Variants in CTNNA2 observed in about 807,000 individuals in gnomAD.
CTNNA2 encodes the protein catenin alpha-2.
In CTNNA2, 42 loss-of-function variants were observed where a neutral mutation model predicts 101.0. That is an observed-to-expected ratio of 0.42 (90% confidence interval 0.32 to 0.54). The LOEUF is 0.54. CTNNA2 is among the 20% of genes least tolerant of loss of function. The pLI is 0.14. For synonymous variants in CTNNA2, 450 were observed against 456.4 expected (o/e 0.99, Z 0.18); for missense variants, 871 against 1,223.1 (o/e 0.71, Z 4.29).
Position 80,162,511 on chromosome 2 carries a change from G to T in CTNNA2, c.1057-230700G>T. ...TGTCTCTTCTGTTATCATAGTCATG[G>T]CTCCAGCCATCATGATTCCTATCTT... is the stretch of plus-strand genomic sequence containing the variant. On this transcript the variant is annotated intron_variant, in intron 7 of 18. Transcript: ENST00000402739. The T allele has an allele frequency of 2.5e-6, 4 of 1,602,668 alleles. No homozygotes were observed. The Middle Eastern group carries it at 5.0e-4, about 199-fold the overall frequency.
chr2:80,086,819 G>A (rs1015933995), intron 7 of CTNNA2, among the ~76,000 whole-genome samples: 1 of 152,004 alleles, frequency 6.6e-6, no homozygotes, highest in South Asian at 2.1e-4. Flanking sequence ...TACAAAGATA[G>A]GAAGCATTAT....
intron 1 of CTNNA2, among the ~76,000 whole-genome samples, chr2:79,590,319 G>T (rs1362946546): frequency 1.3e-5 from 2 of 152,210 alleles, no homozygotes; most frequent in Non-Finnish European, 1.5e-5. Context: ...TTCAGGGAAT[G>T]AAACAATTGT....
chr2:80,110,289 A>T (rs1006437704), intron 7 of CTNNA2, among the ~76,000 whole-genome samples: 2 of 152,172 alleles, frequency 1.3e-5, no homozygotes, highest in Admixed American at 6.5e-5. Context: ...GCTGGGCAAT[A>T]TGTTACCTCC....
At chr2:79,513,284 C>A (rs1671625627) in intron 1 of CTNNA2, 77 bp downstream of exon 1, 1 of 142,574 alleles carries the variant, frequency 7.0e-6, no homozygotes, top group South Asian at 2.4e-4. Flanking sequence ...TCTCCATCCT[C>A]CCCCCTCCCC....
chr2:80,266,772 G>A (rs192499920), intron 7 of CTNNA2, among the ~76,000 whole-genome samples: 94 of 152,246 alleles, frequency 6.2e-4, no homozygotes, highest in African/African-American at 1.8e-3. Flanking sequence ...GGAATGAGCC[G>A]CTTATGCAGA....
chr2:80,153,083 C>G (rs745823564), intron 7 of CTNNA2, among the ~76,000 whole-genome samples: 2 of 152,162 alleles, frequency 1.3e-5, no homozygotes, highest in Non-Finnish European at 2.9e-5. Context: ...ATTTGCAGCA[C>G]CATCCGGTGC....
intron 7 of CTNNA2, among the ~76,000 whole-genome samples, chr2:79,919,438 G>T (rs1686499640): frequency 6.6e-6 from 1 of 152,162 alleles, no homozygotes; most frequent in South Asian, 2.1e-4. Context: ...TTGAAAGGTG[G>T]TTCGGTCAAT....
intron 7 of CTNNA2, among the ~76,000 whole-genome samples, chr2:80,042,114 G>A (rs924728481): frequency 3.4e-4 from 51 of 152,030 alleles, no homozygotes; most frequent in African/African-American, 1.1e-3. Flanking sequence ...ATAGGCTTGC[G>A]CCACCATGCC....
intron 12 of CTNNA2, among the ~76,000 whole-genome samples, chr2:80,559,878 T>TTATATATATATATTTATA (rs1471163982): frequency 8.8e-6 from 1 of 113,930 alleles, no homozygotes; most frequent in African/African-American, 3.0e-5. Flanking sequence ...GATATCATAT[T>TTATATATATATATTTATA]TATATATATA....
At chr2:80,006,545 C>T (rs1338895583) in intron 7 of CTNNA2, among the ~76,000 whole-genome samples, 4 of 151,990 alleles carry the variant, frequency 2.6e-5, no homozygotes, top group African/African-American at 9.7e-5. Context: ...GTCTCGAACT[C>T]CTGACCTCAG....
At chr2:80,216,906 C>T (rs559307880) in intron 7 of CTNNA2, among the ~76,000 whole-genome samples, 10 of 150,332 alleles carry the variant, frequency 6.7e-5, no homozygotes, top group Non-Finnish European at 1.0e-4. Flanking sequence ...ACCACAACCT[C>T]GGCTTACTGC....
chr2:79,563,189 T>TATATATATA (rs879673133), intron 1 of CTNNA2, among the ~76,000 whole-genome samples: 664 of 40,238 alleles, frequency 0.017, 17 homozygotes, highest in South Asian at 0.15. Flanking sequence ...ATATATATAT[T>TATATATATA]TTCCTTCATT....
At chr2:80,265,000 A>G (rs1672897713) in intron 7 of CTNNA2, among the ~76,000 whole-genome samples, 2 of 142,872 alleles carry the variant, frequency 1.4e-5, no homozygotes, top group South Asian at 2.2e-4. Flanking sequence ...TTTGAGGTGG[A>G]GTCTTGCTCT....
intron 7 of CTNNA2, among the ~76,000 whole-genome samples, chr2:79,934,315 C>G (rs1687641403): frequency 6.6e-6 from 1 of 152,212 alleles, no homozygotes. Context: ...ACAGCAATTA[C>G]TTTTGCACCA....
intron 7 of CTNNA2, among the ~76,000 whole-genome samples, chr2:79,982,520 T>TA (rs1490649307): frequency 6.7e-6 from 1 of 148,450 alleles, no homozygotes; most frequent in African/African-American, 2.5e-5. Context: ...CACACACACA[T>TA]ATATATATTT....
intron 4 of CTNNA2, among the ~76,000 whole-genome samples, chr2:79,386,110 G>A (rs904036087): frequency 2.0e-5 from 3 of 152,154 alleles, no homozygotes; most frequent in African/African-American, 7.2e-5. Context: ...TTGCCACACT[G>A]TCTTCCACAA....
chr2:79,841,970 G>A (rs1026283081), intron 3 of CTNNA2, among the ~76,000 whole-genome samples: 1 of 152,170 alleles, frequency 6.6e-6, no homozygotes, highest in African/African-American at 2.4e-5. Flanking sequence ...TGAATTCACT[G>A]TGAGAGAAAA....
intron 3 of CTNNA2, among the ~76,000 whole-genome samples, chr2:79,851,455 G>A (rs985164833): frequency 3.3e-5 from 5 of 152,184 alleles, no homozygotes; most frequent in African/African-American, 1.2e-4. Flanking sequence ...GGGATGCACA[G>A]TTTGAGTTGC....
chr2:80,077,314 A>G (rs116038868), intron 7 of CTNNA2, among the ~76,000 whole-genome samples: 3,144 of 152,326 alleles, frequency 0.021, 90 homozygotes, highest in African/African-American at 0.068. Flanking sequence ...AGAATGAATT[A>G]TACATTAATT....
Sources: allele counts gnomAD v4.1 joint callset (sites outside exome capture counted in the v4.1 genomes callset), GRCh38; gene constraint gnomAD v4.1.1; transcripts MANE v1.5; gene names NCBI Gene and HGNC (gene_info 2026-07-23, HGNC 2026-07-21).